NLGN1: variants seen among roughly 807,000 people sequenced by gnomAD.
NLGN1 encodes neuroligin-1.
In NLGN1, 12 loss-of-function variants were observed where a neutral mutation model predicts 65.5. The ratio of observed to expected loss-of-function variants is 0.18; its 90% CI spans 0.12 to 0.30. The LOEUF (loss-of-function observed/expected upper bound fraction) is 0.30. Ranked by LOEUF, NLGN1 falls within the 10% of genes least tolerant of loss-of-function variation. The pLI is 1.00. For missense variants in NLGN1, 750 were observed against 1,007.1 expected (o/e 0.74, Z 3.46); for synonymous variants, 350 against 359.5 (o/e 0.97, Z 0.30).
intron 4 of NLGN1, among the ~76,000 whole-genome samples, chr3:173,833,716 C>T (rs2150614834): frequency 6.6e-6 from 1 of 152,160 alleles, no homozygotes; most frequent in Non-Finnish European, 1.5e-5. Flanking sequence ...TGGAGTTTTG[C>T]CATGTTGTCC....
chr3:173,458,493 A>C (rs1722860191), intron 2 of NLGN1, among the ~76,000 whole-genome samples: 1 of 151,968 alleles, frequency 6.6e-6, no homozygotes, highest in South Asian at 2.1e-4. Flanking sequence ...AATATGCTCA[A>C]ATCTTTTCTC....
intron 4 of NLGN1, among the ~76,000 whole-genome samples, chr3:174,000,180 C>T (rs1403222116): frequency 1.3e-5 from 2 of 151,934 alleles, no homozygotes; most frequent in African/African-American, 4.8e-5. Context: ...TCTATAATAC[C>T]CTGACTACAG....
At chr3:174,200,703 A>C (rs1412605515) in intron 4 of NLGN1, among the ~76,000 whole-genome samples, 1 of 152,222 alleles carries the variant, frequency 6.6e-6, no homozygotes, top group South Asian at 2.1e-4. Flanking sequence ...CTTTTCTTTT[A>C]TATGCACTTT....
chr3:173,506,251 C>T (rs986975626), intron 2 of NLGN1, among the ~76,000 whole-genome samples: 2 of 151,900 alleles, frequency 1.3e-5, no homozygotes, highest in African/African-American at 4.8e-5. Flanking sequence ...TGAGGGTTGC[C>T]ATTTTATATC....
intron 4 of NLGN1, among the ~76,000 whole-genome samples, chr3:173,890,862 A>G (rs1314846206): frequency 2.0e-5 from 3 of 152,186 alleles, no homozygotes; most frequent in African/African-American, 7.2e-5. Context: ...ATTCTCAGCT[A>G]CAAATTGAAA....
chr3:173,662,218 T>G (rs932685188), intron 3 of NLGN1, among the ~76,000 whole-genome samples: 2 of 152,074 alleles, frequency 1.3e-5, no homozygotes, highest in African/African-American at 4.8e-5. Context: ...CCCAATTCCA[T>G]TGCCAAATAG....
intron 4 of NLGN1, among the ~76,000 whole-genome samples, chr3:173,900,231 A>G (rs2152173000): frequency 6.6e-6 from 1 of 152,226 alleles, no homozygotes; most frequent in South Asian, 2.1e-4. Context: ...AAATGTGCCA[A>G]GTTTTATAAA....
At chr3:173,869,709 A>T (rs1293804781) in intron 4 of NLGN1, among the ~76,000 whole-genome samples, 1 of 152,214 alleles carries the variant, frequency 6.6e-6, no homozygotes, top group African/African-American at 2.4e-5. Context: ...GGAGACACAT[A>T]GCACAAAAGA....
chr3:174,135,456 T>C (rs935638189), intron 4 of NLGN1, among the ~76,000 whole-genome samples: 1 of 152,130 alleles, frequency 6.6e-6, no homozygotes, highest in Non-Finnish European at 1.5e-5. Context: ...TTAAAGCAAA[T>C]ATTTTTCTAA....
At chr3:173,635,939 A>G (rs1244512781) in intron 3 of NLGN1, among the ~76,000 whole-genome samples, 2 of 152,150 alleles carry the variant, frequency 1.3e-5, no homozygotes, top group African/African-American at 2.4e-5. Flanking sequence ...ATAGTGATCA[A>G]GAACACTCGG....
intron 2 of NLGN1, among the ~76,000 whole-genome samples, chr3:173,596,644 G>A (rs1466497780): frequency 2.4e-5 from 1 of 40,936 alleles, no homozygotes; most frequent in Non-Finnish European, 5.5e-5. Context: ...ATTATTACAT[G>A]ATGCTCATGG....
intron 4 of NLGN1, among the ~76,000 whole-genome samples, chr3:174,268,966 T>C (rs1312682426): frequency 6.6e-6 from 1 of 152,090 alleles, no homozygotes; most frequent in East Asian, 1.9e-4. Context: ...GCCAGGTTTT[T>C]TTTTTTCCAA....
At chr3:174,163,574 C>G (rs1726965796) in intron 4 of NLGN1, among the ~76,000 whole-genome samples, 1 of 151,992 alleles carries the variant, frequency 6.6e-6, no homozygotes, top group Non-Finnish European at 1.5e-5. Flanking sequence ...TCAACCCTTG[C>G]TTTCCTCCCT....
chr3:173,870,006 A>C (rs190074620), intron 4 of NLGN1, among the ~76,000 whole-genome samples: 2 of 152,176 alleles, frequency 1.3e-5, no homozygotes, highest in African/African-American at 4.8e-5. Flanking sequence ...TCAGCAATAG[A>C]TCTAGAGGCT....
At chr3:173,398,420 G>C (rs1717020731), upstream of NLGN1, 1 of 152,160 alleles carries the variant, frequency 6.6e-6, no homozygotes, top group African/African-American at 2.4e-5. Context: ...ACTCTCCTGG[G>C]AAGAGAAGGT....
intron 4 of NLGN1, among the ~76,000 whole-genome samples, chr3:174,195,096 G>T (rs1733161888): frequency 6.6e-6 from 1 of 151,970 alleles, no homozygotes. Flanking sequence ...CCCGACCTCA[G>T]GTCATCCCCC....
At position 173,721,086 on chromosome 3, in the gene NLGN1, C is replaced by T. The variant is rs76165336; in HGVS notation, c.494-86594C>T. Reference sequence around the variant, plus strand: ...GTTTTGAGTGCTCATATGCACACAACGCTATGATCCTAGCCTGTTTTAAAA... The same window carrying T: ...GTTTTGAGTGCTCATATGCACACAATGCTATGATCCTAGCCTGTTTTAAAA... On this transcript the variant is annotated intron_variant, in intron 3 of 6. Coordinates refer to ENST00000457714, the Ensembl canonical transcript of NLGN1. 6.0e-3 allele frequency among the ~76,000 whole-genome samples: 907 copies of T among 152,314 alleles called. 5 individuals are homozygous for T. Among genetic ancestry groups the T allele is most frequent in the East Asian group, 0.017 (89 of 5,182 alleles).
intron 2 of NLGN1, among the ~76,000 whole-genome samples, chr3:173,545,138 A>T (rs976982516): frequency 6.6e-6 from 1 of 151,962 alleles, no homozygotes; most frequent in Non-Finnish European, 1.5e-5. Context: ...GTAAAGTCGC[A>T]ATTTCGGCTC....
intron 4 of NLGN1, among the ~76,000 whole-genome samples, chr3:174,113,480 T>C (rs1197410914): frequency 2.6e-5 from 4 of 152,190 alleles, no homozygotes; most frequent in African/African-American, 7.2e-5. Flanking sequence ...TAGGGGAACA[T>C]GTCAGTAAAA....
Sources: allele counts gnomAD v4.1 joint callset (sites outside exome capture counted in the v4.1 genomes callset), GRCh38; gene constraint gnomAD v4.1.1; transcripts MANE v1.5; gene names NCBI Gene and HGNC (gene_info 2026-07-23, HGNC 2026-07-21).